TRIM44: variants seen among roughly 807,000 people sequenced by gnomAD.
TRIM44 encodes the protein tripartite motif-containing protein 44.
TRIM44 carries 13 observed loss-of-function variants against 37.4 expected under a neutral mutation model. The observed-to-expected ratio is 0.35, with a 90% CI of 0.23 to 0.55. The LOEUF is 0.55. Ranked by LOEUF, TRIM44 falls within the 20% of genes least tolerant of loss-of-function variation. The pLI is 0.89. For synonymous variants in TRIM44, 175 were observed against 157.2 expected, an observed-to-expected ratio of 1.11 and a Z score of -0.85; for missense variants, 426 against 437.2, an observed-to-expected ratio of 0.97 and a Z score of 0.23.
Position 35,806,529 on chromosome 11 carries a change from A to G in TRIM44, c.*144A>G, listed in dbSNP as rs1218712144. 4.7e-6 allele frequency: 4 copies of G among 853,068 alleles called. No individual in the cohort carries two copies. The highest frequency in any genetic ancestry group is 2.0e-5 in the Admixed American group (1 of 50,900). 52.8% of individuals were successfully genotyped at this position (853,068 alleles called of 1,614,324 possible). ...GTGTCCCCAGATCCACAGCAGGCACATATCTCTCCAAGGGATGACCAGTTT... is the reference window on the plus strand; with the variant it reads ...GTGTCCCCAGATCCACAGCAGGCACGTATCTCTCCAAGGGATGACCAGTTT... On this transcript the variant is annotated 3_prime_UTR_variant, in exon 5 of 5. Transcript: ENST00000299413.
chr11:35,796,128 A>G (rs1352671214), intron 4 of TRIM44, among the ~76,000 whole-genome samples: 1 of 152,210 alleles, frequency 6.6e-6, no homozygotes, highest in Admixed American at 6.5e-5. Flanking sequence ...GCACTAGGTC[A>G]TTATGGGTTG....
At chr11:35,777,932 T>C (rs962920589) in intron 4 of TRIM44, among the ~76,000 whole-genome samples, 1 of 152,206 alleles carries the variant, frequency 6.6e-6, no homozygotes, top group African/African-American at 2.4e-5. Flanking sequence ...CAATTATGTG[T>C]CTTGGAGTTG....
chr11:35,706,569 C>T (rs1038473998), intron 2 of TRIM44, among the ~76,000 whole-genome samples: 5 of 152,160 alleles, frequency 3.3e-5, no homozygotes, highest in South Asian at 2.1e-4. Flanking sequence ...CCATCATGAT[C>T]GAGTGGGCTT....
At chr11:35,722,569 A>G (rs926340152) in intron 2 of TRIM44, among the ~76,000 whole-genome samples, 1 of 152,228 alleles carries the variant, frequency 6.6e-6, no homozygotes, top group African/African-American at 2.4e-5. Context: ...GACCATATAG[A>G]GTAACTTCCT....
intron 4 of TRIM44, among the ~76,000 whole-genome samples, chr11:35,769,073 C>T (rs1026092987): frequency 9.9e-5 from 15 of 152,250 alleles, no homozygotes; most frequent in Admixed American, 2.0e-4. Flanking sequence ...CAGCTGGAAC[C>T]GGGTTGTTAC....
intron 3 of TRIM44, among the ~76,000 whole-genome samples, chr11:35,735,089 G>A (rs2296177): frequency 6.6e-6 from 1 of 151,996 alleles, no homozygotes; most frequent in South Asian, 2.1e-4. Flanking sequence ...TGTCTAAGAC[G>A]TGCCTCTATT....
At chr11:35,777,065 T>C (rs1852977732) in intron 4 of TRIM44, among the ~76,000 whole-genome samples, 1 of 152,330 alleles carries the variant, frequency 6.6e-6, no homozygotes, top group African/African-American at 2.4e-5. Context: ...TGTTAAAGTC[T>C]CCCATTATTA....
At chr11:35,769,425 C>T (rs774227904) in intron 4 of TRIM44, among the ~76,000 whole-genome samples, 5 of 152,124 alleles carry the variant, frequency 3.3e-5, no homozygotes, top group Non-Finnish European at 7.3e-5. Context: ...TTATGGTGCT[C>T]GCACCCTGAG....
chr11:35,740,777 C>T (rs148386919), intron 4 of TRIM44, among the ~76,000 whole-genome samples: 1 of 152,296 alleles, frequency 6.6e-6, no homozygotes, highest in East Asian at 1.9e-4. Flanking sequence ...ACTCTTTCCT[C>T]CACCTAGTTT....
chr11:35,789,084 A>G (rs142010737), intron 4 of TRIM44, among the ~76,000 whole-genome samples: 1 of 152,302 alleles, frequency 6.6e-6, no homozygotes, highest in East Asian at 1.9e-4. Flanking sequence ...TCTTTTCCCC[A>G]AAGTGGTTGA....
chr11:35,763,529 G>A (rs1365975125), intron 4 of TRIM44, among the ~76,000 whole-genome samples: 1 of 152,086 alleles, frequency 6.6e-6, no homozygotes, highest in African/African-American at 2.4e-5. Flanking sequence ...AACCTCTCTG[G>A]CCTTGAGTTT....
At chr11:35,771,865 G>A (rs1852877125) in intron 4 of TRIM44, among the ~76,000 whole-genome samples, 2 of 152,146 alleles carry the variant, frequency 1.3e-5, no homozygotes, top group Non-Finnish European at 2.9e-5. Flanking sequence ...GCATAAATTT[G>A]CATAAGGGGA....
chr11:35,755,808 T>G (rs1038784892), intron 4 of TRIM44, among the ~76,000 whole-genome samples: 2 of 152,222 alleles, frequency 1.3e-5, no homozygotes, highest in African/African-American at 4.8e-5. Context: ...AAAGATCAGA[T>G]AGTTGTAGAT....
intron 4 of TRIM44, among the ~76,000 whole-genome samples, chr11:35,751,073 A>G (rs1852553834): frequency 6.6e-6 from 1 of 152,200 alleles, no homozygotes; most frequent in Non-Finnish European, 1.5e-5. Flanking sequence ...ACTGTAAAAC[A>G]AGCAACCCAG....
intron 4 of TRIM44, among the ~76,000 whole-genome samples, chr11:35,742,560 TTA>T (rs1481037024): frequency 7.5e-6 from 1 of 132,736 alleles, no homozygotes; most frequent in African/African-American, 2.9e-5. Context: ...ATTAATTGTA[TTA>T]TATATAATTA....
chr11:35,811,402 A>C lies in TRIM44; in HGVS notation c.*5017A>C, dbSNP rs1281779664. ...TTTAGAATTTGGATGAACTAGAAGGAAGGTAAAATTGTAATTTTTGCCATA... is the reference window on the plus strand; with the variant it reads ...TTTAGAATTTGGATGAACTAGAAGGCAGGTAAAATTGTAATTTTTGCCATA... On this transcript the variant is annotated 3_prime_UTR_variant, in exon 5 of 5. Transcript: ENST00000299413. 1.3e-5 allele frequency: 2 copies of C among 152,124 alleles called. No homozygotes were observed. The highest frequency in any genetic ancestry group is 2.9e-5 in the Non-Finnish European group (2 of 68,040). The allele number at this position is 152,124 out of a possible 1,614,324, so 9.4% of individuals were successfully genotyped here.
At position 35,677,188 on chromosome 11, in the gene TRIM44, T is replaced by C. The variant is rs1352332351; in HGVS notation, c.670-8071T>C. ...GCAAGCGTAAGGACTGGGATTTGAA[T>C]CCAGGCCTGACAAAGTACATATTCT... On this transcript the variant is annotated intron_variant, in intron 1 of 4. Coordinates refer to ENST00000299413, the MANE Select transcript of TRIM44 (RefSeq NM_017583.6). Among the ~76,000 whole-genome samples, 2 of 152,204 alleles carry C rather than the reference T, an allele frequency of 1.3e-5. 1 individual carries two copies. The highest frequency in any genetic ancestry group is 3.8e-4 in the East Asian group (2 of 5,202).
chr11:35,771,047 A>G (rs999383902), intron 4 of TRIM44, among the ~76,000 whole-genome samples: 1 of 152,148 alleles, frequency 6.6e-6, no homozygotes, highest in Admixed American at 6.6e-5. Context: ...GGCGTTGCTG[A>G]AAAGATACCT....
At chr11:35,697,233 G>T (rs3118134) in intron 2 of TRIM44, among the ~76,000 whole-genome samples, 36,199 of 114,432 alleles carry the variant, frequency 0.32, 5,436 homozygotes, top group Admixed American at 0.46. Context: ...CCCACAACAG[G>T]CCCCGGTGTG....
Sources: allele counts gnomAD v4.1 joint callset (sites outside exome capture counted in the v4.1 genomes callset), GRCh38; gene constraint gnomAD v4.1.1; transcripts MANE v1.5; gene names NCBI Gene and HGNC (gene_info 2026-07-23, HGNC 2026-07-21).